EYA4: variants seen among roughly 807,000 people sequenced by gnomAD.
EYA4 encodes the protein EYA transcriptional coactivator and phosphatase 4, also known as protein phosphatase EYA4.
Under a neutral mutation model 87.9 loss-of-function variants are expected in EYA4, and 31 were observed. That is an observed-to-expected ratio of 0.35 (90% confidence interval 0.27 to 0.48). The LOEUF is 0.48. EYA4 is among the 20% of genes least tolerant of loss of function. EYA4 has a pLI of 0.99. For synonymous variants in EYA4, 263 were observed against 270.6 expected, an observed-to-expected ratio of 0.97 and a Z score of 0.28; for missense variants, 678 against 761.4, an observed-to-expected ratio of 0.89 and a Z score of 1.29.
chr6:133,251,894 A>G (rs979580181), intron 1 of EYA4, among the ~76,000 whole-genome samples: 18 of 152,174 alleles, frequency 1.2e-4, no homozygotes, highest in African/African-American at 3.4e-4. Flanking sequence ...GAATCCTAAT[A>G]CCTTCCTCCC....
intron 13 of EYA4, among the ~76,000 whole-genome samples, chr6:133,485,211 T>C (rs1009842380): frequency 1.3e-5 from 2 of 152,116 alleles, no homozygotes; most frequent in African/African-American, 4.8e-5. Context: ...AACACACAAG[T>C]TTTATTTTTC....
chr6:133,270,243 T>C (rs576440105), intron 1 of EYA4, among the ~76,000 whole-genome samples: 2 of 152,348 alleles, frequency 1.3e-5, no homozygotes, highest in South Asian at 4.1e-4. Flanking sequence ...TGAACCCATA[T>C]ACATCTCCTG....
intron 2 of EYA4, among the ~76,000 whole-genome samples, chr6:133,324,464 A>T (rs1378387740): frequency 6.6e-6 from 1 of 152,220 alleles, no homozygotes; most frequent in Non-Finnish European, 1.5e-5. Flanking sequence ...TACTTGATTC[A>T]GCAACATTCT....
chr6:133,398,209 A>G (rs1166404563), intron 3 of EYA4, among the ~76,000 whole-genome samples: 2 of 152,240 alleles, frequency 1.3e-5, no homozygotes, highest in Admixed American at 6.5e-5. Context: ...CATGTTTGCA[A>G]TTCCTGGGAA....
At chr6:133,503,470 T>G (rs990079767) in intron 13 of EYA4, among the ~76,000 whole-genome samples, 2 of 152,230 alleles carry the variant, frequency 1.3e-5, no homozygotes, top group African/African-American at 4.8e-5. Flanking sequence ...CTGAAATATA[T>G]ATCTTTAGGG....
chr6:133,383,467 G>A (rs1433260717), intron 3 of EYA4, among the ~76,000 whole-genome samples: 3 of 123,370 alleles, frequency 2.4e-5, no homozygotes, highest in South Asian at 2.8e-4. Flanking sequence ...GCAGTGAGCC[G>A]AGATTGTGCC....
At chr6:133,520,828 A>C (rs1464090017) in intron 17 of EYA4, among the ~76,000 whole-genome samples, 4 of 151,732 alleles carry the variant, frequency 2.6e-5, no homozygotes, top group Non-Finnish European at 5.9e-5. Context: ...CAACTATCTG[A>C]TCTTTGACAA....
intron 1 of EYA4, among the ~76,000 whole-genome samples, chr6:133,256,200 T>C (rs1438151839): frequency 6.6e-6 from 1 of 150,978 alleles, no homozygotes; most frequent in Non-Finnish European, 1.5e-5. Flanking sequence ...ATATATTTAA[T>C]ATATACATAT....
intron 5 of EYA4, among the ~76,000 whole-genome samples, chr6:133,454,971 G>T (rs1386248767): frequency 1.3e-5 from 2 of 152,046 alleles, no homozygotes; most frequent in South Asian, 2.1e-4. Flanking sequence ...ACCGTCTCCT[G>T]CACTGGAACT....
At chr6:133,320,549 A>T (rs1325599440) in intron 2 of EYA4, among the ~76,000 whole-genome samples, 1 of 151,222 alleles carries the variant, frequency 6.6e-6, no homozygotes, top group African/African-American at 2.4e-5. Flanking sequence ...TTATAAATTC[A>T]GGGGGTACAT....
intron 2 of EYA4, among the ~76,000 whole-genome samples, chr6:133,355,189 A>G (rs1350199477): frequency 6.6e-6 from 1 of 151,974 alleles, no homozygotes; most frequent in African/African-American, 2.4e-5. Flanking sequence ...TTCATCACCC[A>G]TCTCTTAAGC....
At chr6:133,486,844 CCT>C (rs1232205265) in intron 13 of EYA4, among the ~76,000 whole-genome samples, 2 of 152,182 alleles carry the variant, frequency 1.3e-5, no homozygotes, top group African/African-American at 2.4e-5. Context: ...AAAATAGAAA[CCT>C]CCACTGATTG....
chr6:133,460,255 C>T (rs964397829), intron 6 of EYA4, among the ~76,000 whole-genome samples: 4 of 152,104 alleles, frequency 2.6e-5, no homozygotes, highest in African/African-American at 9.7e-5. Context: ...AATAAAGACA[C>T]TCTGTGTGCT....
chr6:133,398,267 C>T (rs140478997), intron 3 of EYA4, among the ~76,000 whole-genome samples: 4 of 152,172 alleles, frequency 2.6e-5, no homozygotes, highest in African/African-American at 9.6e-5. Flanking sequence ...CATGTGTATG[C>T]TAGGGGTGAG....
At chr6:133,446,861 A>G in intron 4 of EYA4, 107 bp downstream of exon 4, 2 of 1,073,454 alleles carry the variant, frequency 1.9e-6, no homozygotes, top group Non-Finnish European at 2.8e-6. Context: ...CAATAACACA[A>G]ATCAGCATTA....
At chr6:133,242,304 A>G (rs1378894847) in intron 1 of EYA4, among the ~76,000 whole-genome samples, 4 of 152,184 alleles carry the variant, frequency 2.6e-5, no homozygotes, top group South Asian at 2.1e-4. Flanking sequence ...TCTAATCTCC[A>G]GGCACTGATC....
chr6:133,460,644 C>T (rs1794299027), intron 6 of EYA4, among the ~76,000 whole-genome samples: 1 of 151,746 alleles, frequency 6.6e-6, no homozygotes, highest in Non-Finnish European at 1.5e-5. Context: ...TAGTATTTTA[C>T]CATTAGAAAA....
At chr6:133,359,129 A>G (rs1784284302) in intron 2 of EYA4, among the ~76,000 whole-genome samples, 1 of 152,262 alleles carries the variant, frequency 6.6e-6, no homozygotes. Flanking sequence ...AGAATCCTGT[A>G]TAGTTTATAA....
intron 2 of EYA4, among the ~76,000 whole-genome samples, 190 bp downstream of exon 2, chr6:133,275,003 A>G (rs1777048451): frequency 6.6e-6 from 1 of 152,148 alleles, no homozygotes. Flanking sequence ...TGATGATGTC[A>G]CATTTTGATG....
Sources: gnomAD v4.1 joint callset for allele counts (sites outside exome capture counted in the v4.1 genomes callset) on GRCh38, gnomAD v4.1.1 for gene constraint, MANE v1.5 for transcripts, NCBI Gene and HGNC (gene_info 2026-07-23, HGNC 2026-07-21) for gene names.